MAT2B: variants seen among roughly 807,000 people sequenced by gnomAD.
MAT2B encodes the protein methionine adenosyltransferase 2 subunit beta.
Under a neutral mutation model 36.1 loss-of-function variants are expected in MAT2B, and 16 were observed. That is an observed-to-expected ratio of 0.44 (90% CI 0.30 to 0.67). The LOEUF (loss-of-function observed/expected upper bound fraction) is 0.67. MAT2B is among the 30% of genes least tolerant of loss of function. MAT2B has a pLI of 0.09. For synonymous variants in MAT2B, 148 were observed against 136.9 expected (o/e 1.08, Z -0.57); for missense variants, 332 against 398.2 (o/e 0.83, Z 1.42).
upstream of MAT2B, among the ~76,000 whole-genome samples, chr5:163,504,827 G>A (rs1374384670): frequency 6.6e-6 from 1 of 152,198 alleles, no homozygotes; most frequent in Non-Finnish European, 1.5e-5. Context: ...AATTCTCGGT[G>A]CTCACCAAGG....
chr5:163,506,394 C>T (rs577315873), intron 1 of MAT2B, among the ~76,000 whole-genome samples: 1 of 152,244 alleles, frequency 6.6e-6, no homozygotes, highest in South Asian at 2.1e-4. Flanking sequence ...CGGAGTTTCC[C>T]TGAAGGAAGA....
intron 1 of MAT2B, among the ~76,000 whole-genome samples, chr5:163,509,969 T>G (rs1482123503): frequency 2.0e-5 from 3 of 152,248 alleles, no homozygotes; most frequent in East Asian, 3.8e-4. Flanking sequence ...CCTGTTAGTC[T>G]TTTCATTTTA....
rs1227620427 is a variant in MAT2B, at chr5:163,516,536, T to A, written c.545T>A (p.Ile182Asn). Residue 182 changes from isoleucine to asparagine, a missense_variant, in exon 5 of 7, where the codon ATT becomes AAT. Transcript: ENST00000321757. ...ENNLGAAVLR[I>N]PILYGEVEKL... The stretch of plus-strand genomic sequence containing the variant: ...TCTCTAGGAGCTGCTGTTTTGAGGA[T>A]TCCTATTCTGTATGGGGAAGTTGAA... 1 of 1,614,198 alleles carries A rather than the reference T, an allele frequency of 6.2e-7. No individual in the cohort carries two copies. Among genetic ancestry groups the A allele is most frequent in the Admixed American group, 1.7e-5 (1 of 60,026 alleles).
Position 163,513,742 on chromosome 5 carries a change from G to C in MAT2B, c.373+73G>C. The C allele has an allele frequency of 2.6e-6, 4 of 1,510,938 alleles. No homozygotes were observed. The South Asian group carries it at 4.7e-5, about 18-fold the overall frequency. The allele number at this position is 1,510,938 out of a possible 1,614,324, so 93.6% of individuals were successfully genotyped here. ...AGTTTTTAGAAATTAAGGTTTTGTAGATGGTTATTTGTTTTTATATATCAT... is the reference window on the plus strand; with the variant it reads ...AGTTTTTAGAAATTAAGGTTTTGTACATGGTTATTTGTTTTTATATATCAT... On this transcript the variant is annotated intron_variant, in intron 3 of 6. Coordinates refer to ENST00000321757, the MANE Select transcript of MAT2B (RefSeq NM_013283.5).
rs74551600 is a variant in MAT2B at position 163,509,699 on chromosome 5, A to G, written c.64-2303A>G. Among the ~76,000 whole-genome samples, 282 of 152,168 alleles carry G rather than the reference A, an allele frequency of 1.9e-3. 11 individuals carry two copies. The East Asian group carries it at 0.041, about 22-fold the overall frequency. On this transcript the variant is annotated intron_variant, in intron 1 of 6. Coordinates refer to ENST00000321757, the MANE Select transcript of MAT2B (RefSeq NM_013283.5). ...ATCTTTACCGTATTTATCCTGTGTAAATTGTTTTCTCTGACTGTATCTGTA... is the reference window on the plus strand; with the variant it reads ...ATCTTTACCGTATTTATCCTGTGTAGATTGTTTTCTCTGACTGTATCTGTA...
At chr5:163,510,046 GTAATT>G (rs1760013942) in intron 1 of MAT2B, among the ~76,000 whole-genome samples, 1 of 152,136 alleles carries the variant, frequency 6.6e-6, no homozygotes, top group Non-Finnish European at 1.5e-5. Context: ...ATTCGGCTAA[GTAATT>G]TAATTGAGCT....
At chr5:163,509,413 G>A (rs367901126) in intron 1 of MAT2B, among the ~76,000 whole-genome samples, 5 of 152,202 alleles carry the variant, frequency 3.3e-5, no homozygotes, top group African/African-American at 1.2e-4. Flanking sequence ...GAGTTCGAGA[G>A]TACACTGGTC....
rs372671147 is a variant in MAT2B, at chr5:163,517,626, A to G, written c.786A>G (p.Ala262=). 2 of 1,613,964 alleles carry G rather than the reference A, an allele frequency of 1.2e-6. No individual in the cohort carries two copies. Among genetic ancestry groups the G allele is most frequent in the East Asian group, 2.2e-5 (1 of 44,862 alleles). The stretch of plus-strand genomic sequence containing the variant: ...AACAGATGACTAAGTATGAAATGGC[A>G]TGTGCAATTGCAGATGCCTTCAACC... ...GNEQMTKYEM[A]CAIADAFNLP... Residue 262 remains alanine, a synonymous_variant, in exon 6 of 7, where the codon GCA becomes GCG. Transcript: ENST00000321757.
At chr5:163,510,015 CT>C (rs1462606874) in intron 1 of MAT2B, among the ~76,000 whole-genome samples, 7 of 151,912 alleles carry the variant, frequency 4.6e-5, no homozygotes, top group Admixed American at 3.3e-4. Context: ...ATTTTGGTGT[CT>C]TTTAAAAAAA....
chr5:163,507,500 TA>T (rs1190969334), intron 1 of MAT2B, among the ~76,000 whole-genome samples: 2 of 152,222 alleles, frequency 1.3e-5, no homozygotes, highest in African/African-American at 4.8e-5. Context: ...TAGAGTAACT[TA>T]AACTGATATT....
At position 163,518,465 on chromosome 5, in the gene MAT2B, G is replaced by A; in HGVS notation, c.*102G>A. 1 of 930,886 alleles carries A rather than the reference G, an allele frequency of 1.1e-6. No homozygotes were observed. The highest frequency in any genetic ancestry group is 1.6e-6 in the Non-Finnish European group (1 of 640,376). The allele number at this position is 930,886 out of a possible 1,614,324, so 57.7% of individuals were successfully genotyped here. A position where few individuals can be genotyped will look rare whatever the true frequency, so the allele number is the denominator to read the frequency against. On this transcript the variant is annotated 3_prime_UTR_variant, in exon 7 of 7. Transcript: ENST00000321757. ...AGTTTTGTATGAGTACTTTAATTGT[G>A]ACTCTTAGGATCTTTCAGGTAAATG...
chr5:163,511,094 T>C (rs185068613), intron 1 of MAT2B, among the ~76,000 whole-genome samples: 55 of 152,270 alleles, frequency 3.6e-4, no homozygotes, highest in African/African-American at 1.3e-3. Flanking sequence ...TTATTTACTA[T>C]TTAGGTACTT....
chr5:163,505,588 C>T, upstream of MAT2B: 3 of 1,247,742 alleles, frequency 2.4e-6, no homozygotes, highest in African/African-American at 1.5e-5. Context: ...CGTTCTGGGC[C>T]TAGGGGAGGC....
chr5:163,518,248 G>C lies in MAT2B; in HGVS notation c.890G>C (p.Cys297Ser). The change falls in exon 7 of 7, where the codon TGC becomes TCC. Residue 297 changes from cysteine (C) to serine (S), a missense_variant. Coordinates refer to ENST00000321757, the MANE Select transcript of MAT2B (RefSeq NM_013283.5). Reference sequence around the variant, plus strand: ...CGTCCGAGAAATGCTCAGCTTGACTGCTCCAAATTGGAGACCTTGGGCATT... The same window carrying C: ...CGTCCGAGAAATGCTCAGCTTGACTCCTCCAAATTGGAGACCTTGGGCATT... ...AQRPRNAQLD[C>S]SKLETLGIGQ... 6.2e-7 allele frequency: 1 copy of C among 1,613,758 alleles called. No individual in the cohort carries two copies. Among genetic ancestry groups the C allele is most frequent in the Non-Finnish European group, 8.5e-7 (1 of 1,179,818 alleles).
chr5:163,503,683 A>G (rs1213171710), upstream of MAT2B, among the ~76,000 whole-genome samples: 1 of 152,234 alleles, frequency 6.6e-6, no homozygotes, highest in Non-Finnish European at 1.5e-5. Flanking sequence ...ACCATTTTAA[A>G]TGCAATTATG....
chr5:163,512,957 A>C (rs537521209), intron 2 of MAT2B: 1 of 225,562 alleles, frequency 4.4e-6, no homozygotes, highest in South Asian at 4.9e-5. Flanking sequence ...CTGGGATTAC[A>C]GATTTGAGCC....
chr5:163,518,437 A>G lies in MAT2B; in HGVS notation c.*74A>G, dbSNP rs1257431986. The stretch of plus-strand genomic sequence containing the variant: ...GTGGCACTTTTTAAAGAACAAAGGA[A>G]ATAGTTTTGTATGAGTACTTTAATT... On this transcript the variant is annotated 3_prime_UTR_variant, in exon 7 of 7. Coordinates refer to ENST00000321757, the MANE Select transcript of MAT2B (RefSeq NM_013283.5). The G allele has an allele frequency of 2.3e-6, 3 of 1,308,190 alleles. No homozygotes were observed. In the African/African-American group the frequency reaches 4.5e-5, roughly 20 times the overall value. The allele number at this position is 1,308,190 out of a possible 1,614,324, so 81.0% of individuals were successfully genotyped here. A position where few individuals can be genotyped will look rare whatever the true frequency, so the allele number is the denominator to read the frequency against.
chr5:163,506,620 A>G (rs1759944823), intron 1 of MAT2B, among the ~76,000 whole-genome samples: 1 of 152,146 alleles, frequency 6.6e-6, no homozygotes, highest in Admixed American at 6.5e-5. Flanking sequence ...CATGCTTCCA[A>G]ATTTACTTAG....
chr5:163,507,941 G>C (rs972407190), intron 1 of MAT2B, among the ~76,000 whole-genome samples: 14 of 152,202 alleles, frequency 9.2e-5, no homozygotes, highest in African/African-American at 3.4e-4. Context: ...CTTTAAAGCT[G>C]AAAGAGCCTT....
Sources: allele counts gnomAD v4.1 joint callset (sites outside exome capture counted in the v4.1 genomes callset), GRCh38; gene constraint gnomAD v4.1.1; transcripts MANE v1.5; gene names NCBI Gene and HGNC (gene_info 2026-07-23, HGNC 2026-07-21).